Variants in ITGBL1 observed in about 807,000 individuals in gnomAD.
ITGBL1 encodes the protein integrin subunit beta like 1.
In ITGBL1, 51 loss-of-function variants were observed where a neutral mutation model predicts 68.5. The ratio of observed to expected loss-of-function variants is 0.74; its 90% CI spans 0.59 to 0.94. The LOEUF (loss-of-function observed/expected upper bound fraction) is 0.94, where lower values mean the gene tolerates loss of function less well. Among genes scored for constraint, ITGBL1 ranks in the 40% least tolerant of loss-of-function variants. The probability of loss-of-function intolerance (pLI) is 0.00; values close to 1 mark genes in which losing one functional copy is unlikely to be tolerated. For missense variants in ITGBL1, 649 were observed against 647.4 expected (o/e 1.00, Z -0.03); for synonymous variants, 209 against 227.3 (o/e 0.92, Z 0.72).
rs190165498 is a variant in ITGBL1 at position 101,618,393 on chromosome 13, C to T, written c.1015+20094C>T. 9.2e-5 allele frequency among the ~76,000 whole-genome samples: 14 copies of T among 152,208 alleles called. No individual in the cohort carries two copies. The East Asian group carries it at 1.4e-3, about 15-fold the overall frequency. On this transcript the variant is annotated intron_variant, in intron 7 of 10. Coordinates refer to ENST00000376180, the MANE Select transcript of ITGBL1 (RefSeq NM_004791.3). The stretch of plus-strand genomic sequence containing the variant: ...GAAAGAATTCTAGCTTCCTTTATTA[C>T]GTTTTAAAATCCTTTGTCATTAGTT...
chr13:101,574,480 T>A (rs2050323265), intron 3 of ITGBL1, among the ~76,000 whole-genome samples: 1 of 152,158 alleles, frequency 6.6e-6, no homozygotes, highest in South Asian at 2.1e-4. Context: ...TGTATTTATT[T>A]TATCACATTG....
At chr13:101,546,549 A>G (rs897062580) in intron 2 of ITGBL1, among the ~76,000 whole-genome samples, 6 of 152,200 alleles carry the variant, frequency 3.9e-5, no homozygotes, top group African/African-American at 1.2e-4. Context: ...AAGTCTTTGT[A>G]TAGTCTTCCT....
In ITGBL1 at chr13:101,621,324, T is replaced by C. The variant is rs1437996492; in HGVS notation, c.1015+23025T>C. On this transcript the variant is annotated intron_variant, in intron 7 of 10. Coordinates refer to ENST00000376180, the MANE Select transcript of ITGBL1 (RefSeq NM_004791.3). ...ACATTTTTTAAAATCTGGAAGTGTA[T>C]AGCCTGGGGCCTCAGTGTTTCTATT... Among the ~76,000 whole-genome samples the C allele has an allele frequency of 3.9e-5, 6 of 152,152 alleles. No individual in the cohort carries two copies. The East Asian group carries it at 1.2e-3, about 29-fold the overall frequency.
intron 2 of ITGBL1, among the ~76,000 whole-genome samples, chr13:101,457,772 C>G (rs149122705): frequency 1.3e-5 from 2 of 151,926 alleles, no homozygotes; most frequent in South Asian, 4.1e-4. Context: ...GCCAAGATTG[C>G]GCCATTGCAC....
At chr13:101,652,642 A>G (rs771473138) in intron 7 of ITGBL1, among the ~76,000 whole-genome samples, 1 of 152,064 alleles carries the variant, frequency 6.6e-6, no homozygotes, top group Admixed American at 6.5e-5. Context: ...GTGAATATCT[A>G]CTCCCTTACA....
At chr13:101,615,220 C>T (rs1345899050) in intron 7 of ITGBL1, among the ~76,000 whole-genome samples, 1 of 151,626 alleles carries the variant, frequency 6.6e-6, no homozygotes, top group Non-Finnish European at 1.5e-5. Context: ...CTCCCTTCTC[C>T]TTTCTCCCAT....
At chr13:101,689,662 C>G (rs1315035890) in intron 7 of ITGBL1, among the ~76,000 whole-genome samples, 1 of 152,140 alleles carries the variant, frequency 6.6e-6, no homozygotes, top group South Asian at 2.1e-4. Context: ...TTTTACCTCT[C>G]TGTCTGCAAT....
chr13:101,476,339 A>G (rs72657128), intron 2 of ITGBL1, among the ~76,000 whole-genome samples: 2,194 of 152,222 alleles, frequency 0.014, 20 homozygotes, highest in Non-Finnish European at 0.022. Flanking sequence ...AAACTGACAG[A>G]TAAAAAGTTT....
At chr13:101,494,432 T>C (rs747772231) in intron 2 of ITGBL1, among the ~76,000 whole-genome samples, 1 of 152,196 alleles carries the variant, frequency 6.6e-6, no homozygotes, top group African/African-American at 2.4e-5. Flanking sequence ...ATGATAATAC[T>C]GTAGTCAGAA....
At chr13:101,483,415 G>A (rs17680025) in intron 2 of ITGBL1, among the ~76,000 whole-genome samples, 28,670 of 152,154 alleles carry the variant, frequency 0.19, 3,242 homozygotes, top group East Asian at 0.48. Context: ...AAACAGCAAA[G>A]ATTCAGTTGT....
At chr13:101,512,930 G>A (rs11842796) in intron 2 of ITGBL1, among the ~76,000 whole-genome samples, 1,534 of 152,210 alleles carry the variant, frequency 0.01, 22 homozygotes, top group African/African-American at 0.035. Flanking sequence ...TGTGTGGCAG[G>A]AAATTCTTTT....
intron 6 of ITGBL1, among the ~76,000 whole-genome samples, chr13:101,585,614 G>A (rs953108291): frequency 4.6e-5 from 7 of 151,876 alleles, no homozygotes; most frequent in African/African-American, 1.5e-4. Flanking sequence ...TGTATTTTTA[G>A]TAGAGAAGGG....
intron 5 of ITGBL1, 62 bp downstream of exon 5, chr13:101,579,489 A>C: frequency 6.5e-7 from 1 of 1,529,848 alleles, no homozygotes; most frequent in Non-Finnish European, 8.9e-7. Flanking sequence ...AATTGTTAAC[A>C]CTTCTTTTCT....
At chr13:101,560,903 T>G (rs2050089130) in intron 2 of ITGBL1, among the ~76,000 whole-genome samples, 1 of 152,196 alleles carries the variant, frequency 6.6e-6, no homozygotes, top group Non-Finnish European at 1.5e-5. Flanking sequence ...GTCTGTAAGA[T>G]TTTGGTTTCC....
At chr13:101,520,271 T>G (rs970865287) in intron 2 of ITGBL1, among the ~76,000 whole-genome samples, 1 of 152,200 alleles carries the variant, frequency 6.6e-6, no homozygotes, top group Admixed American at 6.6e-5. Context: ...AAATAAGATG[T>G]TAGAATCAGT....
chr13:101,647,309 T>A (rs2032590944), intron 7 of ITGBL1, among the ~76,000 whole-genome samples: 2 of 152,188 alleles, frequency 1.3e-5, no homozygotes, highest in South Asian at 4.1e-4. Context: ...TTCAAAACCA[T>A]CTATGATGAG....
intron 3 of ITGBL1, among the ~76,000 whole-genome samples, chr13:101,569,114 A>C (rs1339018636): frequency 1.3e-5 from 2 of 151,270 alleles, no homozygotes; most frequent in Non-Finnish European, 2.9e-5. Context: ...CCATACACAC[A>C]CACACACGCG....
intron 7 of ITGBL1, among the ~76,000 whole-genome samples, chr13:101,619,219 C>T (rs1242807783): frequency 2.0e-5 from 3 of 151,898 alleles, no homozygotes; most frequent in Non-Finnish European, 4.4e-5. Flanking sequence ...AGAATACTGC[C>T]CCCATCAAAG....
At chr13:101,476,785 G>A (rs2048543079) in intron 2 of ITGBL1, among the ~76,000 whole-genome samples, 1 of 152,114 alleles carries the variant, frequency 6.6e-6, no homozygotes, top group Admixed American at 6.6e-5. Flanking sequence ...AGTCAACTCA[G>A]CAAGAAGTTA....
Sources: allele counts gnomAD v4.1 joint callset (sites outside exome capture counted in the v4.1 genomes callset), GRCh38; gene constraint gnomAD v4.1.1; transcripts MANE v1.5; gene names NCBI Gene and HGNC (gene_info 2026-07-23, HGNC 2026-07-21).